The following BCKDHB variants were observed in gnomAD, a reference collection of about 807,000 sequenced individuals.
BCKDHB encodes the protein 2-oxoisovalerate dehydrogenase subunit beta, mitochondrial.
In BCKDHB, 41 loss-of-function variants were observed where a neutral mutation model predicts 48.5. That is an observed-to-expected ratio of 0.85 (90% CI 0.66 to 1.10). The LOEUF (loss-of-function observed/expected upper bound fraction) is 1.10, where lower values mean the gene tolerates loss of function less well. Ranked by LOEUF, BCKDHB falls within the 50% of genes least tolerant of loss-of-function variation. The probability of loss-of-function intolerance (pLI) is 0.00; values close to 1 mark genes in which losing one functional copy is unlikely to be tolerated. For missense variants in BCKDHB, 496 were observed against 494.2 expected (o/e 1.00, Z -0.03); for synonymous variants, 201 against 174.8 (o/e 1.15, Z -1.18).
At chr6:80,171,218 T>G in intron 5 of BCKDHB, 64 bp from the exon 6 acceptor site, 1 of 911,856 alleles carries the variant, frequency 1.1e-6, no homozygotes, top group Non-Finnish European at 1.8e-6. Context: ...TCAGCCCTTC[T>G]TAGCAGCGAG....
At chr6:80,266,300 G>A (rs73463518) in intron 8 of BCKDHB, among the ~76,000 whole-genome samples, 13,808 of 152,102 alleles carry the variant, frequency 0.091, 922 homozygotes, top group South Asian at 0.24. Context: ...AAAACAACCT[G>A]ACAAGCAGCT....
chr6:80,132,221 T>C (rs1037768371), intron 3 of BCKDHB, among the ~76,000 whole-genome samples: 10 of 151,680 alleles, frequency 6.6e-5, no homozygotes, highest in African/African-American at 2.4e-4. Context: ...CCTGTGAAAC[T>C]CTTCCGGACC....
At chr6:80,415,918 G>A in the BCKDHB span, among the ~76,000 whole-genome samples, 1,683 of 151,694 alleles carry the variant, frequency 0.011, 17 homozygotes, top group African/African-American at 0.026. Flanking sequence ...TTCTTGGTGG[G>A]TAGTATAATT....
rs1486118538 is a variant in BCKDHB at position 80,212,932 on chromosome 6, C to G, written c.951+9720C>G. Among the ~76,000 whole-genome samples the G allele has an allele frequency of 3.3e-5, 5 of 152,310 alleles. No homozygotes were observed. The East Asian group carries it at 5.8e-4, about 18-fold the overall frequency. On this transcript the variant is annotated intron_variant, in intron 8 of 9. Transcript: ENST00000320393. ...TTAGCATGAGCTAAAATGTTACGTA[C>G]TCTTGTTATTTACATTGTTGATCTT...
chr6:80,119,289 A>G (rs890119824), intron 1 of BCKDHB, among the ~76,000 whole-genome samples: 7 of 152,058 alleles, frequency 4.6e-5, no homozygotes, highest in African/African-American at 1.4e-4. Context: ...GTTGAAATCA[A>G]TTTATTTCAA....
chr6:80,167,306 G>T (rs771504015), intron 3 of BCKDHB, among the ~76,000 whole-genome samples: 1 of 150,482 alleles, frequency 6.6e-6, no homozygotes, highest in Non-Finnish European at 1.5e-5. Flanking sequence ...AAATAGTTGG[G>T]TTTTCCTTTC....
At chr6:80,250,511 G>C (rs1198504172) in intron 8 of BCKDHB, among the ~76,000 whole-genome samples, 1 of 152,172 alleles carries the variant, frequency 6.6e-6, no homozygotes, top group Non-Finnish European at 1.5e-5. Flanking sequence ...GAGAGGGAGA[G>C]AAGAGAAGAG....
chr6:80,388,847 G>A, the BCKDHB span, among the ~76,000 whole-genome samples: 1 of 152,190 alleles, frequency 6.6e-6, no homozygotes, highest in Admixed American at 6.5e-5. Flanking sequence ...CATCCCTGAA[G>A]GACAGCAGTG....
chr6:80,156,941 G>A (rs1454524824), intron 3 of BCKDHB, among the ~76,000 whole-genome samples: 2 of 152,038 alleles, frequency 1.3e-5, no homozygotes, highest in Non-Finnish European at 2.9e-5. Context: ...TTTTGGCTTT[G>A]TCTTTTTATC....
At chr6:80,388,957 C>T in the BCKDHB span, among the ~76,000 whole-genome samples, 2 of 152,192 alleles carry the variant, frequency 1.3e-5, no homozygotes, top group African/African-American at 4.8e-5. Flanking sequence ...TATACTGATT[C>T]ATGGGCTGTA....
At chr6:80,208,708 T>C (rs1774782699) in intron 8 of BCKDHB, among the ~76,000 whole-genome samples, 1 of 151,824 alleles carries the variant, frequency 6.6e-6, no homozygotes, top group Non-Finnish European at 1.5e-5. Context: ...AAAATATAAG[T>C]CATTCAACAT....
chr6:80,246,165 A>G lies in BCKDHB; in HGVS notation c.952-26970A>G, dbSNP rs574087372. On this transcript the variant is annotated intron_variant, in intron 8 of 9. Coordinates refer to ENST00000320393, the MANE Select transcript of BCKDHB (RefSeq NM_183050.4). ...TTAGGATAACCTTGATATTGTAATA[A>G]TTTATGATTCTCTAACCTGTGAAAA... Among the ~76,000 whole-genome samples, 59 of 152,316 alleles carry G rather than the reference A, an allele frequency of 3.9e-4. No homozygotes were observed. In the Middle Eastern group the frequency reaches 0.01, roughly 26 times the overall value.
chr6:80,269,484 G>A (rs1466053969), intron 8 of BCKDHB, among the ~76,000 whole-genome samples: 1 of 151,944 alleles, frequency 6.6e-6, no homozygotes, highest in Non-Finnish European at 1.5e-5. Context: ...AGTTATTCAG[G>A]GTCCTGATCT....
intron 9 of BCKDHB, among the ~76,000 whole-genome samples, chr6:80,295,240 G>T (rs866374129): frequency 6.6e-6 from 1 of 152,102 alleles, no homozygotes; most frequent in Non-Finnish European, 1.5e-5. Flanking sequence ...TCATACTTCC[G>T]ATAAAGACAT....
intron 3 of BCKDHB, among the ~76,000 whole-genome samples, chr6:80,135,469 G>T (rs1770840020): frequency 6.6e-6 from 1 of 152,080 alleles, no homozygotes; most frequent in African/African-American, 2.4e-5. Context: ...GTATTAATAA[G>T]TTGGTGTAAA....
chr6:80,138,813 T>C (rs908517820), intron 3 of BCKDHB, among the ~76,000 whole-genome samples: 1 of 152,238 alleles, frequency 6.6e-6, no homozygotes, highest in Admixed American at 6.5e-5. Context: ...TTTGGGTATA[T>C]ACCCAGTAAT....
the BCKDHB span, among the ~76,000 whole-genome samples, chr6:80,406,873 T>C: frequency 1.3e-5 from 2 of 152,252 alleles, no homozygotes; most frequent in African/African-American, 2.4e-5. Flanking sequence ...AGATCCCATT[T>C]GTCTATTTTG....
intron 9 of BCKDHB, among the ~76,000 whole-genome samples, chr6:80,286,002 CT>C (rs1223693619): frequency 6.6e-6 from 1 of 151,958 alleles, no homozygotes; most frequent in Non-Finnish European, 1.5e-5. Context: ...CCTACATTAA[CT>C]TTTCAACCTG....
At chr6:80,231,513 A>G (rs1775924051) in intron 8 of BCKDHB, among the ~76,000 whole-genome samples, 1 of 152,244 alleles carries the variant, frequency 6.6e-6, no homozygotes, top group East Asian at 1.9e-4. Context: ...AAAACAGGGC[A>G]AAGAACAGTT....
Sources: allele counts gnomAD v4.1 joint callset (sites outside exome capture counted in the v4.1 genomes callset), GRCh38; gene constraint gnomAD v4.1.1; transcripts MANE v1.5; gene names NCBI Gene and HGNC (gene_info 2026-07-23, HGNC 2026-07-21).